Variants in PRPSAP2 observed in about 807,000 individuals in gnomAD.
PRPSAP2 encodes the protein phosphoribosyl pyrophosphate synthase-associated protein 2.
PRPSAP2 carries 24 observed loss-of-function variants against 40.6 expected under a neutral mutation model. The observed-to-expected ratio is 0.59, with a 90% CI of 0.43 to 0.83. PRPSAP2 has a LOEUF of 0.83. Among genes scored for constraint, PRPSAP2 ranks in the 40% least tolerant of loss-of-function variants. The pLI is 0.00. For missense variants in PRPSAP2, 292 were observed against 465.6 expected, an observed-to-expected ratio of 0.63 and a Z score of 3.43; for synonymous variants, 149 against 164.7, an observed-to-expected ratio of 0.90 and a Z score of 0.73.
chr17:18,902,446 A>G (rs966638710), intron 8 of PRPSAP2, among the ~76,000 whole-genome samples: 2 of 152,176 alleles, frequency 1.3e-5, no homozygotes, highest in African/African-American at 2.4e-5. Flanking sequence ...AGATGAGGAA[A>G]CAGACCCACA....
chr17:18,885,588 G>A (rs1300213013), intron 7 of PRPSAP2, among the ~76,000 whole-genome samples: 2 of 151,200 alleles, frequency 1.3e-5, no homozygotes, highest in African/African-American at 4.9e-5. Context: ...GCTAATTTTT[G>A]TTTTTTGTTT....
At chr17:18,872,484 A>G (rs1419116333) in intron 4 of PRPSAP2, 99 bp from the exon 5 acceptor site, 11 of 889,704 alleles carry the variant, frequency 1.2e-5, no homozygotes, top group Admixed American at 1.0e-4. Flanking sequence ...TTGAGTTGCC[A>G]TATTCTATTA....
intron 1 of PRPSAP2, among the ~76,000 whole-genome samples, chr17:18,865,178 A>G (rs887211333): frequency 6.6e-6 from 1 of 151,876 alleles, no homozygotes; most frequent in Admixed American, 6.6e-5. Context: ...GGACCTTTTT[A>G]TTTTTGGCCC....
chr17:18,928,923 C>G lies in PRPSAP2; in HGVS notation c.917C>G (p.Ala306Gly). The change falls in exon 11 of 12, where the codon GCC (alanine) becomes GGC (glycine). Residue 306 changes from alanine (A) to glycine (G), a missense_variant. Ala to Gly is a moderately conservative substitution (Grantham distance 60). Around this residue, in one of 2 missense-constraint regions of PRPSAP2, gnomAD observed 241 missense variants for 425.7 expected, o/e 0.57. Coordinates refer to ENST00000268835, the MANE Select transcript of PRPSAP2 (RefSeq NM_002767.4). Reference protein sequence around the residue: ...MATHGLLSSDAPRRIEESAID... With the variant: ...MATHGLLSSDGPRRIEESAID... ...ACTCATGGCTTGTTGTCTTCTGACG[C>G]CCCCCGGCGGATTGAAGAGTCTGCC... 1 of 1,613,684 alleles carries G rather than the reference C, an allele frequency of 6.2e-7. No homozygotes were observed. Among genetic ancestry groups the G allele is most frequent in the East Asian group, 2.2e-5 (1 of 44,870 alleles).
chr17:18,883,624 G>A (rs1308701709), intron 7 of PRPSAP2, among the ~76,000 whole-genome samples: 2 of 151,968 alleles, frequency 1.3e-5, no homozygotes, highest in Admixed American at 6.6e-5. Flanking sequence ...CTGACCTCGT[G>A]ATCTGCCTGC....
At chr17:18,883,400 TTTC>T (rs1237094658) in intron 7 of PRPSAP2, among the ~76,000 whole-genome samples, 3 of 92,464 alleles carry the variant, frequency 3.2e-5, no homozygotes, top group Admixed American at 1.1e-4. Flanking sequence ...GCTGTTTTTC[TTTC>T]TTTTTTTTTT....
chr17:18,885,848 A>T (rs1290884778), intron 7 of PRPSAP2, among the ~76,000 whole-genome samples: 2 of 152,196 alleles, frequency 1.3e-5, no homozygotes, highest in East Asian at 3.9e-4. Context: ...TGGCCTCCCA[A>T]AGTGCTGGGA....
At chr17:18,869,106 G>T (rs1187024931) in intron 4 of PRPSAP2, among the ~76,000 whole-genome samples, 5 of 152,124 alleles carry the variant, frequency 3.3e-5, no homozygotes, top group Admixed American at 6.6e-5. Flanking sequence ...AGGTGAAAGG[G>T]AGAAGCAGTG....
chr17:18,875,388 A>G (rs1011166720), intron 5 of PRPSAP2, among the ~76,000 whole-genome samples: 5 of 151,870 alleles, frequency 3.3e-5, no homozygotes, highest in Non-Finnish European at 7.4e-5. Flanking sequence ...ACACGGTGAA[A>G]CCCTGTCTTT....
At chr17:18,900,150 G>A (rs2040177621) in intron 8 of PRPSAP2, among the ~76,000 whole-genome samples, 1 of 152,066 alleles carries the variant, frequency 6.6e-6, no homozygotes, top group Non-Finnish European at 1.5e-5. Context: ...CTCCCAGACT[G>A]CTGGGATTAC....
chr17:18,871,209 G>A (rs971894613), intron 4 of PRPSAP2, among the ~76,000 whole-genome samples: 1 of 151,646 alleles, frequency 6.6e-6, no homozygotes, highest in African/African-American at 2.4e-5. Context: ...TAGTAGAGAC[G>A]AGGTTTCACC....
At chr17:18,859,287 A>G (rs2036827076) in intron 1 of PRPSAP2, 1 of 152,248 alleles carries the variant, frequency 6.6e-6, no homozygotes, top group African/African-American at 2.4e-5. Flanking sequence ...CATGTTTACA[A>G]TAGACATTTT....
intron 1 of PRPSAP2, chr17:18,859,634 G>A (rs2036850482): frequency 6.6e-6 from 1 of 152,230 alleles, no homozygotes; most frequent in Non-Finnish European, 1.5e-5. Context: ...TCATACAGGA[G>A]TGGAAGAGTA....
intron 7 of PRPSAP2, 141 bp from the exon 8 acceptor site, chr17:18,889,681 T>C (rs1460091797): frequency 5.0e-6 from 3 of 594,658 alleles, no homozygotes; most frequent in Non-Finnish European, 8.6e-6. Flanking sequence ...GGCAGGTTCC[T>C]TTCTTCATTT....
At chr17:18,890,272 C>A (rs527618485) in intron 8 of PRPSAP2, among the ~76,000 whole-genome samples, 4 of 152,022 alleles carry the variant, frequency 2.6e-5, no homozygotes, top group South Asian at 2.1e-4. Flanking sequence ...TGGGTTCAAG[C>A]GATTCTCCTG....
At chr17:18,857,047 A>T (rs1177279653), upstream of PRPSAP2, among the ~76,000 whole-genome samples, 2 of 152,220 alleles carry the variant, frequency 1.3e-5, no homozygotes, top group African/African-American at 2.4e-5. Context: ...ATAATAACTG[A>T]TAATGGCTGG....
In PRPSAP2 at chr17:18,930,610, T is replaced by A. The variant is rs1303949772; in HGVS notation, c.1022T>A (p.Ile341Asn). The change falls in exon 12 of 12, where the codon ATC (isoleucine) becomes AAC (asparagine). Residue 341 changes from isoleucine to asparagine, a missense_variant. Physicochemically the swap from Ile to Asn is moderately radical, Grantham distance 149. Around this residue, in one of 2 missense-constraint regions of PRPSAP2, gnomAD observed 241 missense variants for 425.7 expected, o/e 0.57. Coordinates refer to ENST00000268835, the MANE Select transcript of PRPSAP2 (RefSeq NM_002767.4). ...TGCCCCAAGATTAAAACTGTGGATA[T>A]CAGCATGATCCTTTCAGAGGCGATC... ...LQCPKIKTVDISMILSEAIRR... is the reference protein window; with the variant it reads ...LQCPKIKTVDNSMILSEAIRR... 6.2e-7 allele frequency: 1 copy of A among 1,613,834 alleles called. No homozygotes were observed. The highest frequency in any genetic ancestry group is 1.1e-5 in the South Asian group (1 of 91,066).
intron 5 of PRPSAP2, among the ~76,000 whole-genome samples, chr17:18,874,447 C>T (rs1398844069): frequency 6.6e-6 from 1 of 152,208 alleles, no homozygotes; most frequent in Non-Finnish European, 1.5e-5. Flanking sequence ...TCTTGGAACA[C>T]ACATTTTTTT....
intron 9 of PRPSAP2, among the ~76,000 whole-genome samples, chr17:18,917,883 G>A (rs1187887826): frequency 2.0e-5 from 3 of 151,888 alleles, no homozygotes; most frequent in Non-Finnish European, 4.4e-5. Flanking sequence ...GTCTTCCCTG[G>A]TGTTCCCAGG....
Sources: allele counts gnomAD v4.1 joint callset (sites outside exome capture counted in the v4.1 genomes callset), GRCh38; gene constraint gnomAD v4.1.1; regional missense constraint gnomAD v4.1.1; transcripts MANE v1.5; gene names NCBI Gene and HGNC (gene_info 2026-07-23, HGNC 2026-07-21).